Variants in KCNH1 observed in about 807,000 individuals in gnomAD.
The protein encoded by KCNH1 is voltage-gated delayed rectifier potassium channel KCNH1.
A neutral mutation model predicts 69.2 loss-of-function variants in KCNH1; 27 were observed. The ratio of observed to expected loss-of-function variants is 0.39; its 90% confidence interval spans 0.29 to 0.54. The LOEUF (loss-of-function observed/expected upper bound fraction) is 0.54. KCNH1 is among the 20% of genes least tolerant of loss of function. KCNH1 has a pLI of 0.68. For missense variants in KCNH1, 798 were observed against 1,261.6 expected (o/e 0.63, Z 5.57); for synonymous variants, 456 against 487.7 (o/e 0.93, Z 0.86).
rs755070937 is a variant in KCNH1 at position 210,681,319 on chromosome 1, G to C, written c.*1962C>G. The stretch of plus-strand genomic sequence containing the variant: ...TCAAAGTCACAGATAGTTGTGACTC[G>C]GCCTTAGGAAATTAGACTTCCTCTT... On this transcript the variant is annotated 3_prime_UTR_variant, in exon 11 of 11. Coordinates refer to ENST00000271751, the MANE Select transcript of KCNH1 (RefSeq NM_172362.3). The C allele has an allele frequency of 1.3e-5, 2 of 152,182 alleles. No homozygotes were observed. Among genetic ancestry groups the C allele is most frequent in the Non-Finnish European group, 1.5e-5 (1 of 68,060 alleles). 9.4% of individuals were successfully genotyped at this position (152,182 alleles called of 1,614,324 possible). A position where few individuals can be genotyped will look rare whatever the true frequency, so the allele number is the denominator to read the frequency against.
At position 210,709,346 on chromosome 1, in the gene KCNH1, A is replaced by AC. The variant is rs375905462; in HGVS notation, c.2113-25209dup. On this transcript the variant is annotated intron_variant, in intron 10 of 10. Transcript: ENST00000271751. ...GGTGATGCGGCAGAAGCCAAGGAGC[A>AC]CTGGATTGCCAGCAAACCAGCAGGA... Among the ~76,000 whole-genome samples, 172 of 152,324 alleles carry AC rather than the reference A, an allele frequency of 1.1e-3. 1 individual carries two copies. Among genetic ancestry groups the AC allele is most frequent in the Middle Eastern group, 3.4e-3 (1 of 294 alleles).
At chr1:211,008,302 C>A (rs1334690534) in intron 6 of KCNH1, among the ~76,000 whole-genome samples, 1 of 152,124 alleles carries the variant, frequency 6.6e-6, no homozygotes, top group Non-Finnish European at 1.5e-5. Context: ...TACAAAAGGA[C>A]AAATATGGTA....
intron 5 of KCNH1, among the ~76,000 whole-genome samples, chr1:211,020,968 T>C (rs1213066040): frequency 6.6e-6 from 1 of 151,960 alleles, no homozygotes; most frequent in Non-Finnish European, 1.5e-5. Context: ...ACAAATGAGG[T>C]ATAGAAGAAA....
Position 210,777,101 on chromosome 1 carries a change from G to A in KCNH1, c.1916-1557C>T, listed in dbSNP as rs138531932. Among the ~76,000 whole-genome samples, 410 of 152,296 alleles carry A rather than the reference G, an allele frequency of 2.7e-3. 1 individual carries two copies. Among genetic ancestry groups the A allele is most frequent in the African/African-American group, 9.3e-3 (385 of 41,560 alleles). On this transcript the variant is annotated intron_variant, in intron 9 of 10. Transcript: ENST00000271751. Reference sequence around the variant, plus strand: ...ACATCCAGATAGGCCAAGCTCCACAGCTGAAATCAAAGGACCTGTAGCTCA... The same window carrying A: ...ACATCCAGATAGGCCAAGCTCCACAACTGAAATCAAAGGACCTGTAGCTCA...
At chr1:210,983,704 G>A (rs1011302759) in intron 6 of KCNH1, among the ~76,000 whole-genome samples, 10 of 152,266 alleles carry the variant, frequency 6.6e-5, no homozygotes, top group African/African-American at 1.2e-4. Flanking sequence ...GTCAGGTAGC[G>A]TGATGTCTCC....
chr1:211,034,821 A>G (rs565044980), intron 5 of KCNH1, among the ~76,000 whole-genome samples: 4 of 152,338 alleles, frequency 2.6e-5, no homozygotes, highest in African/African-American at 4.8e-5. Flanking sequence ...CAAGAACTCA[A>G]AAGAATCCAC....
intron 7 of KCNH1, among the ~76,000 whole-genome samples, chr1:210,899,487 T>A (rs899002238): frequency 1.8e-5 from 2 of 112,386 alleles, no homozygotes; most frequent in Non-Finnish European, 3.5e-5. Context: ...ATCTCACTTA[T>A]GAGATATATA....
At chr1:211,070,252 A>G (rs2102456882) in intron 5 of KCNH1, among the ~76,000 whole-genome samples, 1 of 151,842 alleles carries the variant, frequency 6.6e-6, no homozygotes, top group South Asian at 2.1e-4. Context: ...CCCCGTCTCT[A>G]CTAAAAATAC....
At chr1:211,122,632 A>G (rs35835736) in intron 1 of KCNH1, among the ~76,000 whole-genome samples, 14,783 of 152,268 alleles carry the variant, frequency 0.097, 965 homozygotes, top group South Asian at 0.21. Flanking sequence ...TACACCATGG[A>G]ATACTATCCA....
At chr1:210,892,163 G>A (rs1378190853) in intron 7 of KCNH1, among the ~76,000 whole-genome samples, 1 of 151,474 alleles carries the variant, frequency 6.6e-6, no homozygotes. Context: ...GTATACCTAG[G>A]TAACAAACCT....
chr1:210,964,315 A>G (rs1688355685), intron 6 of KCNH1, among the ~76,000 whole-genome samples: 1 of 152,216 alleles, frequency 6.6e-6, no homozygotes, highest in African/African-American at 2.4e-5. Flanking sequence ...AACAACTAGT[A>G]TCAGCCACTG....
At chr1:211,021,271 A>T (rs966202184) in intron 5 of KCNH1, among the ~76,000 whole-genome samples, 14 of 152,100 alleles carry the variant, frequency 9.2e-5, no homozygotes, top group African/African-American at 3.4e-4. Flanking sequence ...TTATTCATAT[A>T]ACCAAACACC....
intron 8 of KCNH1, among the ~76,000 whole-genome samples, chr1:210,802,595 C>T (rs1284900448): frequency 1.3e-5 from 2 of 151,926 alleles, no homozygotes; most frequent in African/African-American, 2.4e-5. Flanking sequence ...AATAGGAAGC[C>T]CACTGTATGT....
intron 10 of KCNH1, among the ~76,000 whole-genome samples, chr1:210,694,176 A>G (rs986588090): frequency 2.6e-5 from 4 of 152,082 alleles, no homozygotes; most frequent in African/African-American, 9.7e-5. Flanking sequence ...GAACCCCTAG[A>G]ATGAAGACCA....
At chr1:211,120,195 T>C (rs1339057099) in intron 1 of KCNH1, among the ~76,000 whole-genome samples, 1 of 151,780 alleles carries the variant, frequency 6.6e-6, no homozygotes, top group African/African-American at 2.4e-5. Flanking sequence ...TATACATTTT[T>C]TTTTTTTTTT....
In KCNH1 at chr1:210,948,785, G is replaced by A. The variant is rs1029447555; in HGVS notation, c.1033-28716C>T. Among the ~76,000 whole-genome samples the A allele has an allele frequency of 2.0e-5, 3 of 149,532 alleles. No individual in the cohort carries two copies. The Admixed American group carries it at 2.0e-4, about 10-fold the overall frequency. On this transcript the variant is annotated intron_variant, in intron 6 of 10. Coordinates refer to ENST00000271751, the MANE Select transcript of KCNH1 (RefSeq NM_172362.3). ...GAGGCATGCAGTGAGCCGAGATCACGCCACTGCCCTCCAGCCTGGGCCACA... is the reference window on the plus strand; with the variant it reads ...GAGGCATGCAGTGAGCCGAGATCACACCACTGCCCTCCAGCCTGGGCCACA...
rs1489476471 is a variant in KCNH1 at position 210,892,764 on chromosome 1, G to A, written c.1462+26876C>T. ...CTTAATTGGTCTTGCCTCAAGAAGT[G>A]TTCCCAGGCAAAGCCCTTTCTGTCT... On this transcript the variant is annotated intron_variant, in intron 7 of 10. Coordinates refer to ENST00000271751, the MANE Select transcript of KCNH1 (RefSeq NM_172362.3). Among the ~76,000 whole-genome samples the A allele has an allele frequency of 2.6e-5, 4 of 152,288 alleles. No homozygotes were observed. The East Asian group carries it at 7.7e-4, about 29-fold the overall frequency.
intron 7 of KCNH1, among the ~76,000 whole-genome samples, chr1:210,817,761 T>C (rs1300628613): frequency 6.6e-6 from 1 of 152,200 alleles, no homozygotes; most frequent in Non-Finnish European, 1.5e-5. Flanking sequence ...CAAAGTCACA[T>C]AGTTAGTAAG....
intron 5 of KCNH1, among the ~76,000 whole-genome samples, chr1:211,054,156 C>A (rs971192351): frequency 6.6e-6 from 1 of 151,762 alleles, no homozygotes; most frequent in Non-Finnish European, 1.5e-5. Flanking sequence ...GTGGTGCATA[C>A]CTGTAATCCC....
Sources: allele counts gnomAD v4.1 joint callset (sites outside exome capture counted in the v4.1 genomes callset), GRCh38; gene constraint gnomAD v4.1.1; transcripts MANE v1.5; gene names NCBI Gene and HGNC (gene_info 2026-07-23, HGNC 2026-07-21).